The following PARD3 variants were observed in gnomAD, a reference collection of about 807,000 sequenced individuals.
PARD3 encodes the protein par-3 family cell polarity regulator.
In PARD3, 75 loss-of-function variants were observed where a neutral mutation model predicts 155.4. The observed-to-expected ratio is 0.48, with a 90% confidence interval of 0.40 to 0.58. The LOEUF is 0.58. PARD3 is among the 20% of genes least tolerant of loss of function. The pLI, the probability that PARD3 is intolerant of heterozygous loss-of-function variation, is 0.00. For synonymous variants in PARD3, 576 were observed against 610.5 expected (o/e 0.94, Z 0.83); for missense variants, 1,642 against 1,721.7 (o/e 0.95, Z 0.82).
intron 4 of PARD3, among the ~76,000 whole-genome samples, chr10:34,456,021 T>C (rs1485587566): frequency 6.6e-6 from 1 of 152,216 alleles, no homozygotes; most frequent in Non-Finnish European, 1.5e-5. Flanking sequence ...TTAATAACTA[T>C]TAATGAGAGG....
At chr10:34,386,413 C>T (rs1413841037) in intron 7 of PARD3, among the ~76,000 whole-genome samples, 3 of 152,118 alleles carry the variant, frequency 2.0e-5, no homozygotes, top group Non-Finnish European at 4.4e-5. Flanking sequence ...CCATAATATG[C>T]CAAACCAAAA....
chr10:34,671,075 C>A (rs1332522685), intron 2 of PARD3, among the ~76,000 whole-genome samples: 2 of 152,182 alleles, frequency 1.3e-5, no homozygotes, highest in Non-Finnish European at 2.9e-5. Context: ...GCTGCTCTTG[C>A]AAAAGTTACT....
At chr10:34,571,705 T>G (rs984556439) in intron 2 of PARD3, among the ~76,000 whole-genome samples, 7 of 152,244 alleles carry the variant, frequency 4.6e-5, no homozygotes, top group African/African-American at 1.7e-4. Context: ...ATGCAATGAC[T>G]GATTCAATTA....
chr10:34,633,363 C>T (rs948690579), intron 2 of PARD3, among the ~76,000 whole-genome samples: 6 of 151,974 alleles, frequency 3.9e-5, no homozygotes, highest in Admixed American at 2.6e-4. Flanking sequence ...CCGCTAACCT[C>T]CCAACCTCTA....
intron 12 of PARD3, among the ~76,000 whole-genome samples, chr10:34,369,573 T>C (rs923537245): frequency 2.0e-5 from 3 of 152,252 alleles, no homozygotes; most frequent in South Asian, 4.2e-4. Flanking sequence ...TGTTAAGCAT[T>C]AGAGGTGAAA....
chr10:34,471,774 G>A (rs2078362871), intron 3 of PARD3, among the ~76,000 whole-genome samples: 1 of 152,204 alleles, frequency 6.6e-6, no homozygotes, highest in Admixed American at 6.5e-5. Flanking sequence ...AGCCAGGCTG[G>A]TCTTGAACTC....
intron 5 of PARD3, among the ~76,000 whole-genome samples, chr10:34,448,917 T>A (rs894749431): frequency 2.1e-5 from 3 of 141,932 alleles, no homozygotes; most frequent in African/African-American, 9.3e-5. Context: ...GGATAAATTA[T>A]CTTTTTTTTT....
In PARD3 at chr10:34,183,482, A is replaced by G. The variant is rs765412444; in HGVS notation, c.3420-51899T>C. ...AGGCAGCTTGAAGAGCCAGGCTGGC[A>G]AGCTTTAATACACAAATGCAGGCGA... On this transcript the variant is annotated intron_variant, in intron 22 of 24. Coordinates refer to ENST00000374788, the MANE Select transcript of PARD3 (RefSeq NM_001184785.2). 9.2e-5 allele frequency among the ~76,000 whole-genome samples: 14 copies of G among 152,182 alleles called. 1 individual carries two copies. Among genetic ancestry groups the G allele is most frequent in the Non-Finnish European group, 1.2e-4 (8 of 68,028 alleles).
At chr10:34,410,748 C>T (rs1844964348) in intron 5 of PARD3, among the ~76,000 whole-genome samples, 1 of 152,172 alleles carries the variant, frequency 6.6e-6, no homozygotes, top group Admixed American at 6.5e-5. Context: ...TGCTTCTGTT[C>T]TGGACTTGCT....
At chr10:34,438,009 T>C (rs2076274607) in intron 5 of PARD3, among the ~76,000 whole-genome samples, 1 of 152,212 alleles carries the variant, frequency 6.6e-6, no homozygotes, top group African/African-American at 2.4e-5. Flanking sequence ...AAGTAGCTCA[T>C]AGCAGCTCTT....
At chr10:34,529,219 C>T (rs1428704995) in intron 2 of PARD3, among the ~76,000 whole-genome samples, 1 of 152,198 alleles carries the variant, frequency 6.6e-6, no homozygotes, top group East Asian at 1.9e-4. Context: ...TTCATCCAAT[C>T]TGAATGCGGA....
rs769691726 is a variant in PARD3 at position 34,382,596 on chromosome 10, C to CT, written c.1342dup (p.Ser448LysfsTer5). The CT allele has an allele frequency of 1.2e-6, 2 of 1,613,902 alleles. No individual in the cohort carries two copies. ...TATTTTTTTGGTGTTATAACCACTG[C>CT]TTACAGTCGTACTAAATACATTCTG... is the stretch of plus-strand genomic sequence containing the variant. On this transcript the variant is annotated frameshift_variant, in exon 9 of 25. Transcript: ENST00000374788. LOFTEE classifies it high-confidence loss of function.
chr10:34,294,493 T>C (rs1956816509), intron 20 of PARD3, among the ~76,000 whole-genome samples: 1 of 152,248 alleles, frequency 6.6e-6, no homozygotes, highest in South Asian at 2.1e-4. Flanking sequence ...CCTAAAGATC[T>C]CATTATCTGT....
rs202052299 is a variant in PARD3 at position 34,401,782 on chromosome 10, C to T, written c.806+44G>A. 7 of 1,177,124 alleles carry T rather than the reference C, an allele frequency of 5.9e-6. No individual in the cohort carries two copies. In the African/African-American group the frequency reaches 9.0e-5, roughly 15 times the overall value. The allele number at this position is 1,177,124 out of a possible 1,614,324, so 72.9% of individuals were successfully genotyped here. ...AGAATACTTGCTGCAATTAATGATG[C>T]TACATGTATACTGCAAACTTAGTTG... On this transcript the variant is annotated intron_variant, in intron 6 of 24. Transcript: ENST00000374788.
chr10:34,137,359 G>C (rs1947955033), intron 22 of PARD3, among the ~76,000 whole-genome samples: 3 of 152,152 alleles, frequency 2.0e-5, no homozygotes, highest in Non-Finnish European at 2.9e-5. Context: ...AACAATGACG[G>C]AAGCAGGGAA....
intron 2 of PARD3, among the ~76,000 whole-genome samples, chr10:34,604,605 A>C (rs2090071042): frequency 6.7e-6 from 1 of 148,232 alleles, no homozygotes; most frequent in African/African-American, 2.4e-5. Flanking sequence ...ATATATATAA[A>C]GATATATATG....
chr10:34,409,424 T>A (rs1173202891), intron 5 of PARD3, among the ~76,000 whole-genome samples: 1 of 152,222 alleles, frequency 6.6e-6, no homozygotes, highest in African/African-American at 2.4e-5. Context: ...TTCACATTCT[T>A]CTTCCATTTT....
intron 1 of PARD3, among the ~76,000 whole-genome samples, chr10:34,747,009 T>C (rs1835411327): frequency 6.6e-6 from 1 of 152,148 alleles, no homozygotes; most frequent in African/African-American, 2.4e-5. Context: ...GAAAGCAGCA[T>C]TGGTTCCTGC....
chr10:34,166,937 C>T (rs532988621), intron 22 of PARD3, among the ~76,000 whole-genome samples: 85 of 152,164 alleles, frequency 5.6e-4, no homozygotes, highest in Non-Finnish European at 1.0e-3. Flanking sequence ...CTGTTAGAGT[C>T]ACTATTTGCA....
Sources: allele counts gnomAD v4.1 joint callset (sites outside exome capture counted in the v4.1 genomes callset), GRCh38; gene constraint gnomAD v4.1.1; transcripts MANE v1.5; gene names NCBI Gene and HGNC (gene_info 2026-07-23, HGNC 2026-07-21).